Variants in PHTF2 observed in about 807,000 individuals in gnomAD.
PHTF2 encodes the protein putative homeodomain transcription factor 2, also known as protein PHTF2.
Under a neutral mutation model 101.2 loss-of-function variants are expected in PHTF2, and 60 were observed. The observed-to-expected ratio is 0.59, with a 90% CI of 0.48 to 0.73. The LOEUF (loss-of-function observed/expected upper bound fraction) is 0.73. Among genes scored for constraint, PHTF2 ranks in the 30% least tolerant of loss-of-function variants. The probability of loss-of-function intolerance (pLI) is 0.00; values close to 1 mark genes in which losing one functional copy is unlikely to be tolerated. For missense variants in PHTF2, 747 were observed against 908.7 expected, an observed-to-expected ratio of 0.82 and a Z score of 2.29; for synonymous variants, 311 against 307.3, an observed-to-expected ratio of 1.01 and a Z score of -0.13.
chr7:77,904,875 T>G (rs1801714127), intron 7 of PHTF2, among the ~76,000 whole-genome samples: 1 of 152,250 alleles, frequency 6.6e-6, no homozygotes, highest in African/African-American at 2.4e-5. Flanking sequence ...TATATGTCTC[T>G]TCTTTCCTGT....
At chr7:77,806,990 T>C (rs1793044784) in intron 1 of PHTF2, among the ~76,000 whole-genome samples, 1 of 152,220 alleles carries the variant, frequency 6.6e-6, no homozygotes, top group African/African-American at 2.4e-5. Flanking sequence ...CTTTTGGCTT[T>C]AGTCAGTTCT....
At chr7:77,942,837 T>G (rs1196871639) in intron 16 of PHTF2, 51 bp downstream of exon 15, 2 of 831,128 alleles carry the variant, frequency 2.4e-6, no homozygotes, top group Non-Finnish European at 3.8e-6. Context: ...AAATATTAAC[T>G]TTCAGATTAA....
rs892715372 is a variant in PHTF2 at position 77,897,293 on chromosome 7, A to T, written c.216+3300A>T. 1.6e-3 allele frequency among the ~76,000 whole-genome samples: 211 copies of T among 133,646 alleles called. 4 individuals are homozygous for T. The South Asian group carries it at 0.04, about 25-fold the overall frequency. 87.7% of individuals were successfully genotyped at this position (133,646 alleles called of 152,430 possible). ...TTTCTAAACTTAAACAGCCCATTTC[A>T]TTTTTTTTTTTTTTTTTTGGCCCAA... On this transcript the variant is annotated intron_variant, in intron 5 of 19. Transcript: ENST00000416283.
At chr7:77,805,338 A>C (rs1277328083) in intron 1 of PHTF2, among the ~76,000 whole-genome samples, 1 of 151,908 alleles carries the variant, frequency 6.6e-6, no homozygotes, top group Non-Finnish European at 1.5e-5. Context: ...TTATTGATCT[A>C]TTTTATTGAT....
chr7:77,842,290 A>G (rs1295222487), intron 2 of PHTF2, among the ~76,000 whole-genome samples: 1 of 151,886 alleles, frequency 6.6e-6, no homozygotes, highest in Non-Finnish European at 1.5e-5. Flanking sequence ...CGCAGCCTTG[A>G]CCTCCTGGGT....
chr7:77,865,475 G>T (rs930189494), intron 3 of PHTF2, among the ~76,000 whole-genome samples: 1 of 151,940 alleles, frequency 6.6e-6, no homozygotes, highest in Non-Finnish European at 1.5e-5. Context: ...TCCACCCAGC[G>T]CAGCCTCCTA....
exon 20 of PHTF2, chr7:77,957,173 T>C (rs1000609888): frequency 6.6e-6 from 1 of 152,144 alleles, no homozygotes; most frequent in African/African-American, 2.4e-5. Context: ...TTGCCACATG[T>C]GTTGTATTTG....
intron 16 of PHTF2, among the ~76,000 whole-genome samples, chr7:77,945,778 TA>T (rs1468188898): frequency 1.3e-5 from 2 of 152,154 alleles, no homozygotes; most frequent in African/African-American, 2.4e-5. Flanking sequence ...ACTCAAAAAG[TA>T]ATTGAAAACC....
chr7:77,844,808 A>G (rs1163522344), intron 2 of PHTF2, among the ~76,000 whole-genome samples: 3 of 152,266 alleles, frequency 2.0e-5, no homozygotes, highest in African/African-American at 7.2e-5. Flanking sequence ...TACAGGCATG[A>G]GCCATTGCAC....
At chr7:77,930,121 T>C (rs762497369) in intron 12 of PHTF2, among the ~76,000 whole-genome samples, 2 of 151,992 alleles carry the variant, frequency 1.3e-5, no homozygotes, top group African/African-American at 2.4e-5. Context: ...ACCCGGCTAA[T>C]TTTTATGTTA....
In PHTF2 at chr7:77,880,160, C is replaced by G. The variant is rs1397165362; in HGVS notation, c.148-13448C>G. Among the ~76,000 whole-genome samples the G allele has an allele frequency of 3.3e-5, 5 of 152,230 alleles. No individual in the cohort carries two copies. The East Asian group carries it at 9.6e-4, about 29-fold the overall frequency. On this transcript the variant is annotated intron_variant, in intron 3 of 19. Transcript: ENST00000416283. ...TAACCAAAAGTATGTTCTCACATTA[C>G]TAAATTTTAAAAACATAATTTTATG...
chr7:77,819,636 A>G (rs1205861510), intron 1 of PHTF2, among the ~76,000 whole-genome samples: 3 of 152,102 alleles, frequency 2.0e-5, no homozygotes, highest in African/African-American at 7.2e-5. Context: ...TTGGCTTGCT[A>G]ATATTTTGTT....
intron 14 of PHTF2, 40 bp downstream of exon 13, chr7:77,940,342 G>A (rs780255923): frequency 1.4e-5 from 21 of 1,496,180 alleles, no homozygotes; most frequent in South Asian, 7.8e-5. Flanking sequence ...ATATTTTATC[G>A]TTTTCATAAT....
intron 3 of PHTF2, among the ~76,000 whole-genome samples, chr7:77,865,279 G>T (rs1797962732): frequency 6.6e-6 from 1 of 151,660 alleles, no homozygotes; most frequent in Non-Finnish European, 1.5e-5. Flanking sequence ...AGGCTGGAGT[G>T]CAGTGGCACG....
At chr7:77,904,913 A>G (rs138067324) in intron 7 of PHTF2, among the ~76,000 whole-genome samples, 2 of 152,348 alleles carry the variant, frequency 1.3e-5, no homozygotes, top group African/African-American at 4.8e-5. Flanking sequence ...CCCATGGCCC[A>G]TAGGCCACAT....
intron 3 of PHTF2, among the ~76,000 whole-genome samples, chr7:77,890,679 C>T (rs955298029): frequency 2.1e-5 from 3 of 142,702 alleles, no homozygotes; most frequent in African/African-American, 7.8e-5. Flanking sequence ...AATCTCGGCT[C>T]ACCGCAAGCT....
chr7:77,847,721 T>C (rs1796415435), intron 2 of PHTF2, among the ~76,000 whole-genome samples: 1 of 152,216 alleles, frequency 6.6e-6, no homozygotes, highest in Non-Finnish European at 1.5e-5. Flanking sequence ...ATTCTAATTA[T>C]ACCCTTTTAG....
At chr7:77,930,101 C>T (rs1187580055) in intron 12 of PHTF2, among the ~76,000 whole-genome samples, 2 of 151,822 alleles carry the variant, frequency 1.3e-5, no homozygotes, top group Non-Finnish European at 2.9e-5. Flanking sequence ...TTACAGGCGC[C>T]CGCCACCACA....
rs551158750 is a variant in PHTF2 at position 77,813,469 on chromosome 7, C to G, written c.-36+14498C>G. Among the ~76,000 whole-genome samples, 19 of 152,066 alleles carry G rather than the reference C, an allele frequency of 1.2e-4. 1 individual carries two copies. In the South Asian group the frequency reaches 4.0e-3, roughly 32 times the overall value. ...AGAACTTTCAGTGGAGTATTGTGAG[C>G]AAAAGATGATTGGATTAAAGAGAGG... On this transcript the variant is annotated intron_variant, in intron 1 of 19. Transcript: ENST00000416283.
Sources: allele counts gnomAD v4.1 joint callset (sites outside exome capture counted in the v4.1 genomes callset), GRCh38; gene constraint gnomAD v4.1.1; transcripts MANE v1.5; gene names NCBI Gene and HGNC (gene_info 2026-07-23, HGNC 2026-07-21).